Variants in CHRNA7 observed in about 807,000 individuals in gnomAD.
The protein encoded by CHRNA7 is neuronal acetylcholine receptor subunit alpha-7.
Under a neutral mutation model 48.0 loss-of-function variants are expected in CHRNA7, and 17 were observed. That is an observed-to-expected ratio of 0.35 (90% CI 0.24 to 0.53). The LOEUF is 0.53. CHRNA7 is among the 20% of genes least tolerant of loss of function. CHRNA7 has a pLI of 0.92. For synonymous variants in CHRNA7, 75 were observed against 242.3 expected (o/e 0.31, Z 6.41); for missense variants, 155 against 577.7 (o/e 0.27, Z 7.50).
At chr15:32,126,251 G>T (rs1046076853) in intron 4 of CHRNA7, among the ~76,000 whole-genome samples, 1 of 152,148 alleles carries the variant, frequency 6.6e-6, no homozygotes, top group South Asian at 2.1e-4. Flanking sequence ...CTTCCAGATG[G>T]TGCCTCTAAA....
At chr15:32,096,251 C>T (rs1045372589) in intron 2 of CHRNA7, among the ~76,000 whole-genome samples, 2 of 152,166 alleles carry the variant, frequency 1.3e-5, no homozygotes, top group Non-Finnish European at 2.9e-5. Context: ...TTTCAGGTAT[C>T]GTCAATACCT....
At chr15:32,134,896 C>T (rs1047649747) in intron 4 of CHRNA7, among the ~76,000 whole-genome samples, 1 of 152,190 alleles carries the variant, frequency 6.6e-6, no homozygotes, top group Non-Finnish European at 1.5e-5. Context: ...AGGCAGTTTC[C>T]TGCGTGAATC....
chr15:32,111,681 T>C (rs1045587666), intron 3 of CHRNA7, 109 bp from the exon 4 acceptor site: 7 of 650,236 alleles, frequency 1.1e-5, no homozygotes, highest in Admixed American at 7.8e-5. Flanking sequence ...AATTCAGTTA[T>C]AATAAATGTC....
At chr15:32,087,473 C>T (rs2050316128) in intron 2 of CHRNA7, among the ~76,000 whole-genome samples, 1 of 152,136 alleles carries the variant, frequency 6.6e-6, no homozygotes, top group South Asian at 2.1e-4. Context: ...GGTTTGGGTG[C>T]TAGGTGGGTT....
chr15:32,138,197 CAAAG>C (rs1214278906), intron 4 of CHRNA7, among the ~76,000 whole-genome samples: 1 of 151,814 alleles, frequency 6.6e-6, no homozygotes, highest in Non-Finnish European at 1.5e-5. Flanking sequence ...ACCAAGAAAA[CAAAG>C]AAGGCACAAA....
At chr15:32,094,713 T>G (rs945064002) in intron 2 of CHRNA7, among the ~76,000 whole-genome samples, 3 of 151,484 alleles carry the variant, frequency 2.0e-5, no homozygotes, top group African/African-American at 7.3e-5. Context: ...CAGGCTGGAG[T>G]GCAGTGGCAC....
chr15:32,143,182 A>G (rs994855485), intron 4 of CHRNA7, among the ~76,000 whole-genome samples: 4 of 152,202 alleles, frequency 2.6e-5, no homozygotes, highest in African/African-American at 9.6e-5. Context: ...TTATTTACCC[A>G]GTAGTCATTC....
chr15:32,114,784 A>C (rs1274284297), intron 4 of CHRNA7, among the ~76,000 whole-genome samples: 2 of 152,226 alleles, frequency 1.3e-5, no homozygotes, highest in Non-Finnish European at 2.9e-5. Context: ...ATTATTCCTC[A>C]TGATGCCGTG....
At chr15:32,088,850 G>T (rs966945040) in intron 2 of CHRNA7, among the ~76,000 whole-genome samples, 1 of 151,916 alleles carries the variant, frequency 6.6e-6, no homozygotes, top group Non-Finnish European at 1.5e-5. Context: ...TTGTAAAATT[G>T]TATCCCAGTC....
intron 2 of CHRNA7, among the ~76,000 whole-genome samples, chr15:32,087,531 A>G (rs1163255556): frequency 2.0e-5 from 3 of 152,168 alleles, no homozygotes; most frequent in Non-Finnish European, 2.9e-5. Flanking sequence ...TGACAGAGCA[A>G]AGAGTTATAT....
At chr15:32,094,930 G>A (rs939119938) in intron 2 of CHRNA7, among the ~76,000 whole-genome samples, 15 of 152,238 alleles carry the variant, frequency 9.9e-5, no homozygotes, top group Admixed American at 7.8e-4. Flanking sequence ...TTACAGGCGT[G>A]AGCCACCGCA....
chr15:32,114,051 T>C (rs59286752), intron 4 of CHRNA7, among the ~76,000 whole-genome samples: 11 of 57,286 alleles, frequency 1.9e-4, no homozygotes, highest in Admixed American at 6.4e-4. Flanking sequence ...TATGTATATA[T>C]ATATATATAC....
intron 2 of CHRNA7, among the ~76,000 whole-genome samples, chr15:32,035,772 A>G (rs1275182640): frequency 6.6e-6 from 1 of 152,222 alleles, no homozygotes; most frequent in East Asian, 1.9e-4. Context: ...ATTGATCTTT[A>G]TCATTTAAAA....
At chr15:32,166,950 CCCAT>C (rs1265713582) in intron 9 of CHRNA7, among the ~76,000 whole-genome samples, 2 of 130,524 alleles carry the variant, frequency 1.5e-5, no homozygotes, top group South Asian at 2.8e-4. Flanking sequence ...AGAAAACATG[CCCAT>C]CCATTTGACG....
chr15:32,124,911 AG>A (rs1199868210), intron 4 of CHRNA7, among the ~76,000 whole-genome samples: 1 of 152,188 alleles, frequency 6.6e-6, no homozygotes, highest in Non-Finnish European at 1.5e-5. Context: ...TCTGCAAACC[AG>A]GACAGTTGCC....
chr15:32,107,076 C>A (rs1250189364), intron 3 of CHRNA7, among the ~76,000 whole-genome samples: 3 of 152,070 alleles, frequency 2.0e-5, no homozygotes, highest in Non-Finnish European at 4.4e-5. Flanking sequence ...CTGCTTTCCT[C>A]CACTAACAAA....
intron 2 of CHRNA7, among the ~76,000 whole-genome samples, chr15:32,098,283 A>AG (rs2050506902): frequency 6.6e-6 from 1 of 152,148 alleles, no homozygotes; most frequent in African/African-American, 2.4e-5. Context: ...CCAAGGATCG[A>AG]GGAAGGAAAA....
At chr15:32,077,959 A>T (rs368117718) in intron 2 of CHRNA7, among the ~76,000 whole-genome samples, 69 of 152,246 alleles carry the variant, frequency 4.5e-4, no homozygotes, top group African/African-American at 1.6e-3. Context: ...CGTGACCCAA[A>T]CACTTCCCCT....
intron 2 of CHRNA7, among the ~76,000 whole-genome samples, chr15:32,091,460 G>C (rs1267531317): frequency 6.6e-6 from 1 of 152,118 alleles, no homozygotes; most frequent in African/African-American, 2.4e-5. Context: ...GCCATGACTT[G>C]CAAAGTTCCT....
Sources: allele counts gnomAD v4.1 joint callset (sites outside exome capture counted in the v4.1 genomes callset), GRCh38; gene constraint gnomAD v4.1.1; transcripts MANE v1.5; gene names NCBI Gene and HGNC (gene_info 2026-07-23, HGNC 2026-07-21).